The following MCM3AP variants were observed in gnomAD, a reference collection of about 807,000 sequenced individuals.
The protein encoded by MCM3AP is germinal-center associated nuclear protein.
In MCM3AP, 126 loss-of-function variants were observed where a neutral mutation model predicts 184.1. The ratio of observed to expected loss-of-function variants is 0.68; its 90% confidence interval spans 0.59 to 0.79. The LOEUF is 0.79. MCM3AP is among the 30% of genes least tolerant of loss of function. The pLI is 0.00. For missense variants in MCM3AP, 2,496 were observed against 2,479.2 expected, an observed-to-expected ratio of 1.01 and a Z score of -0.14; for synonymous variants, 1,002 against 979.3, an observed-to-expected ratio of 1.02 and a Z score of -0.43.
In MCM3AP at chr21:46,246,421, G is replaced by A. The variant is rs2123832768; in HGVS notation, c.4550-17C>T. The stretch of plus-strand genomic sequence containing the variant: ...GCATCAGACCTTTAAGACAGACATA[G>A]ATGAAGGTCACTTGCATTCTGCTGT... On this transcript the variant is annotated splice_polypyrimidine_tract_variant and intron_variant, in intron 21 of 27. Coordinates refer to ENST00000291688, the MANE Select transcript of MCM3AP (RefSeq NM_003906.5). 6.6e-7 allele frequency: 1 copy of A among 1,513,370 alleles called. No individual in the cohort carries two copies. The highest frequency in any genetic ancestry group is 1.7e-5 in the Admixed American group (1 of 59,896). 93.7% of individuals were successfully genotyped at this position (1,513,370 alleles called of 1,614,324 possible).
rs755840552 is a variant in MCM3AP, at chr21:46,240,901, G to A, written c.5543C>T (p.Thr1848Ile). 5 of 1,614,078 alleles carry A rather than the reference G, an allele frequency of 3.1e-6. No homozygotes were observed. In the East Asian group the frequency reaches 8.9e-5, roughly 29 times the overall value. ...AGAAGCTCCTCGCATCAGATCCTCT[G>A]TGCTGGGAATCCTCCCCTCTTGAGC... ...ECAQEGRIPSTEDLMRGASAE... is the reference protein window; with the variant it reads ...ECAQEGRIPSIEDLMRGASAE... The change falls in exon 26 of 28, where the codon ACA becomes ATA. Residue 1848 changes from threonine (T) to isoleucine (I), a missense_variant. Thr to Ile is a moderately conservative substitution (Grantham distance 89). Transcript: ENST00000291688.
intron 26 of MCM3AP, 30 bp downstream of exon 26, chr21:46,240,781 A>C: frequency 6.3e-7 from 1 of 1,599,908 alleles, no homozygotes. Context: ...CAGACTAAAC[A>C]CACATGAATT....
Position 46,243,652 on chromosome 21 carries a change from C to T in MCM3AP, c.5109G>A (p.Gln1703=), listed in dbSNP as rs372239868. Residue 1703 remains glutamine, a synonymous_variant, in exon 24 of 28, where the codon CAG becomes CAA. Transcript: ENST00000291688. ...ASQIPSSRQT[Q]PVLQSQVENL... ...TCTCCACCTGGGACTGGAGGACAGG[C>T]TGTGTCTGGCGTGAGCTGGGGATCT... 121 of 1,614,106 alleles carry T rather than the reference C, an allele frequency of 7.5e-5. No homozygotes were observed. Among genetic ancestry groups the T allele is most frequent in the Non-Finnish European group, 9.7e-5 (115 of 1,180,060 alleles).
In MCM3AP at chr21:46,243,603, T is replaced by A; in HGVS notation, c.5158A>T (p.Arg1720Trp). 6.2e-7 allele frequency: 1 copy of A among 1,614,238 alleles called. No homozygotes were observed. Among genetic ancestry groups the A allele is most frequent in the Non-Finnish European group, 8.5e-7 (1 of 1,180,050 alleles). Residue 1720 changes from arginine to tryptophan, a missense_variant, in exon 24 of 28, where the codon AGG (arginine) becomes TGG (tryptophan). Transcript: ENST00000291688. ...VENLLHRTYC[R>W]WKSKSPSPVH... ...GGGGAGGGACTCTTGCTCTTCCACC[T>A]ACAGTAGGTTCTGTGGAGCAGGTTC...
At chr21:46,251,821 G>A (rs1344721285) in intron 19 of MCM3AP, 139 bp from the exon 20 acceptor site, 1 of 532,870 alleles carries the variant, frequency 1.9e-6, no homozygotes, top group Non-Finnish European at 3.4e-6. Flanking sequence ...ATCTTACTAT[G>A]AAGCTGATCT....
In MCM3AP at chr21:46,280,509, T is replaced by C. The variant is rs781551898; in HGVS notation, c.1510A>G (p.Arg504Gly). 3 of 1,608,886 alleles carry C rather than the reference T, an allele frequency of 1.9e-6. No homozygotes were observed. The highest frequency in any genetic ancestry group is 1.3e-5 in the African/African-American group (1 of 74,948). The change falls in exon 3 of 28, where the codon AGG (arginine) becomes GGG (glycine). Residue 504 changes from arginine to glycine, a missense_variant. Arg to Gly is a moderately radical substitution (Grantham distance 125). Coordinates refer to ENST00000291688, the MANE Select transcript of MCM3AP (RefSeq NM_003906.5). ...ATTGAAAACTCACTTATTTTCTTCC[T>C]GTGCCAAAAGATAGCCATGTCTTTA... is the stretch of plus-strand genomic sequence containing the variant. ...LHKDMAIFWHRKKISPNKKPF... is the reference protein window; with the variant it reads ...LHKDMAIFWHGKKISPNKKPF...
chr21:46,272,338 G>A (rs2081191397), intron 8 of MCM3AP, among the ~76,000 whole-genome samples: 1 of 152,132 alleles, frequency 6.6e-6, no homozygotes, highest in African/African-American at 2.4e-5. Context: ...AACATGTGGG[G>A]CCTACGTCAG....
intron 25 of MCM3AP, 110 bp from the exon 26 acceptor site, chr21:46,241,127 G>T (rs550621711): frequency 5.0e-6 from 4 of 801,544 alleles, no homozygotes; most frequent in Admixed American, 2.0e-5. Flanking sequence ...AAGAACATGT[G>T]CCTCAGACAC....
In MCM3AP at chr21:46,254,825, T is replaced by C; in HGVS notation, c.3952A>G (p.Lys1318Glu). 6.2e-7 allele frequency: 1 copy of C among 1,614,092 alleles called. No homozygotes were observed. The highest frequency in any genetic ancestry group is 2.2e-5 in the East Asian group (1 of 44,886). The change falls in exon 18 of 28, where the codon AAG (lysine) becomes GAG (glutamate). Residue 1318 changes from lysine (K) to glutamate (E), a missense_variant. Transcript: ENST00000291688. The stretch of plus-strand genomic sequence containing the variant: ...TGAACCTTCATCTGGTGAGCTGTCT[T>C]GTTTCTGAGCCGCCTTAACCTGCAA... ...SCTRLRRLRNKTAHQMKVQHF... is the reference protein window; with the variant it reads ...SCTRLRRLRNETAHQMKVQHF...
At position 46,260,894 on chromosome 21, in the gene MCM3AP, CTCTT is replaced by C. The variant is rs2081032823; in HGVS notation, c.3476_3479del (p.Gln1159ArgfsTer6). The C allele has an allele frequency of 2.5e-6, 4 of 1,612,018 alleles. No individual in the cohort carries two copies. The highest frequency in any genetic ancestry group is 1.1e-5 in the South Asian group (1 of 91,050). ...TCAGCTCACTTAACACCAGCTCTCT[CTCTT>C]GTTTCAACCTACAGGGAAGAGAAAA... On this transcript the variant is annotated frameshift_variant, in exon 15 of 28. Coordinates refer to ENST00000291688, the MANE Select transcript of MCM3AP (RefSeq NM_003906.5). LOFTEE classifies it high-confidence loss of function.
At chr21:46,266,206 G>A (rs756260218) in intron 10 of MCM3AP, 40 bp from the exon 11 acceptor site, 5 of 1,560,674 alleles carry the variant, frequency 3.2e-6, no homozygotes, top group East Asian at 2.3e-5. Flanking sequence ...GTGTCACCAG[G>A]GGAGAAGACA....
chr21:46,267,370 G>C (rs1209357748), intron 9 of MCM3AP: 1 of 523,450 alleles, frequency 1.9e-6, no homozygotes, highest in African/African-American at 1.9e-5. Context: ...CATAGAGAAG[G>C]ATGGCTTGTG....
intron 9 of MCM3AP, 133 bp downstream of exon 9, chr21:46,270,268 C>T (rs528747050): frequency 3.5e-5 from 29 of 821,670 alleles, no homozygotes; most frequent in Middle Eastern, 2.6e-4. Context: ...GTAACCCCTT[C>T]GTGGGGCTGC....
In MCM3AP at chr21:46,236,832, TG is replaced by T; in HGVS notation, c.5780del (p.Pro1927HisfsTer5). The T allele has an allele frequency of 6.5e-7, 1 of 1,547,836 alleles. No individual in the cohort carries two copies. The highest frequency in any genetic ancestry group is 8.7e-7 in the Non-Finnish European group (1 of 1,155,046). On this transcript the variant is annotated frameshift_variant, in exon 27 of 28. Transcript: ENST00000291688. LOFTEE classifies it low-confidence loss of function (END_TRUNC). ...CAAATGTATACGTTCTTCTCACCTG[TG>T]GGCTAGTAGTTACAGATGTTTTCAT... is the stretch of plus-strand genomic sequence containing the variant. The part of the protein sequence containing the change: ...PVMKTSVTTS[P>X]QSDMMREQLQ...
chr21:46,279,960 C>G lies in MCM3AP; in HGVS notation c.1667+33G>C, dbSNP rs370592483. ...ATAGGGCGCTATTTCCTGGTCCTTC[C>G]GGAATAAGGTCATTAGGAGGGACCG... On this transcript the variant is annotated intron_variant, in intron 4 of 27. Transcript: ENST00000291688. 651 of 1,586,558 alleles carry G rather than the reference C, an allele frequency of 4.1e-4. 4 individuals are homozygous for G. Among genetic ancestry groups the G allele is most frequent in the Non-Finnish European group, 3.4e-5 (40 of 1,167,614 alleles).
At chr21:46,255,079 G>A (rs2080928705) in intron 17 of MCM3AP, among the ~76,000 whole-genome samples, 1 of 152,236 alleles carries the variant, frequency 6.6e-6, no homozygotes, top group Non-Finnish European at 1.5e-5. Flanking sequence ...CTCTAATGGG[G>A]AGAGAACAGC....
In MCM3AP at chr21:46,254,443, A is replaced by G. The variant is rs1220890705; in HGVS notation, c.4085T>C (p.Leu1362Pro). The change falls in exon 19 of 28, where the codon CTG (leucine) becomes CCG (proline). Residue 1362 changes from leucine to proline, a missense_variant. By Grantham distance (98) the Leu-to-Pro change is moderately conservative. This residue lies in a region of MCM3AP where 1,323 missense variants were observed against 1,273.4 expected (regional missense o/e 1.04). Transcript: ENST00000291688. ...PGRQEHVFWK[L>P]VLVLPDVEEQ... ...CTCTACATCCGGCAACACCAGCACC[A>G]GCTTCCAAAACACATGCTCCTGCCT... is the stretch of plus-strand genomic sequence containing the variant. 1 of 1,614,204 alleles carries G rather than the reference A, an allele frequency of 6.2e-7. No individual in the cohort carries two copies. The highest frequency in any genetic ancestry group is 8.5e-7 in the Non-Finnish European group (1 of 1,180,046).
intron 12 of MCM3AP, 144 bp from the exon 13 acceptor site, chr21:46,264,361 AAGGT>A: frequency 5.0e-6 from 3 of 603,568 alleles, no homozygotes; most frequent in Non-Finnish European, 8.9e-6. Flanking sequence ...TGTTGCAGGA[AAGGT>A]GTCCCCTAGC....
chr21:46,251,546 C>A lies in MCM3AP; in HGVS notation c.4273G>T (p.Val1425Phe), dbSNP rs758176693. The A allele has an allele frequency of 1.9e-6, 3 of 1,609,716 alleles. No individual in the cohort carries two copies. In the African/African-American group the frequency reaches 4.0e-5, roughly 22 times the overall value. ...LSSKGDQMIS[V>F]NVCIKVAHGA... ...TAGTTCACCTTTATACACACGTTAA[C>A]AGAAATCATCTGATCCCCTTTGCTG... Residue 1425 changes from valine (V) to phenylalanine (F), a missense_variant, in exon 20 of 28, where the codon GTT becomes TTT. Physicochemically the swap from Val to Phe is conservative, Grantham distance 50. Transcript: ENST00000291688.
Sources: gnomAD v4.1 joint callset for allele counts (sites outside exome capture counted in the v4.1 genomes callset) on GRCh38, gnomAD v4.1.1 for gene constraint, gnomAD v4.1.1 regional missense constraint, MANE v1.5 for transcripts, NCBI Gene and HGNC (gene_info 2026-07-23, HGNC 2026-07-21) for gene names.